The following CA10 variants were observed in gnomAD, a reference collection of about 807,000 sequenced individuals.
The protein encoded by CA10 is carbonic anhydrase 10 (inactive), also known as carbonic anhydrase-related protein 10.
Under a neutral mutation model 44.2 loss-of-function variants are expected in CA10, and 14 were observed. That is an observed-to-expected ratio of 0.32 (90% confidence interval 0.21 to 0.50). The LOEUF is 0.50. CA10 is among the 20% of genes least tolerant of loss of function. The pLI, the probability that CA10 is intolerant of heterozygous loss-of-function variation, is 0.99. For missense variants in CA10, 350 were observed against 409.7 expected, an observed-to-expected ratio of 0.85 and a Z score of 1.26; for synonymous variants, 159 against 141.6, an observed-to-expected ratio of 1.12 and a Z score of -0.87.
chr17:51,791,282 C>G (rs1339876039), intron 3 of CA10, among the ~76,000 whole-genome samples: 1 of 152,098 alleles, frequency 6.6e-6, no homozygotes, highest in African/African-American at 2.4e-5. Context: ...TAGAACAGTT[C>G]CCCATTTTAA....
chr17:52,011,331 G>A (rs1398254199), intron 2 of CA10, among the ~76,000 whole-genome samples: 5 of 151,914 alleles, frequency 3.3e-5, no homozygotes, highest in Non-Finnish European at 7.4e-5. Context: ...TTTCTGCTGC[G>A]ATCAGGTAAA....
intron 2 of CA10, among the ~76,000 whole-genome samples, chr17:51,949,219 T>C (rs1187514279): frequency 6.6e-6 from 1 of 152,200 alleles, no homozygotes; most frequent in African/African-American, 2.4e-5. Context: ...TTTGTCACAA[T>C]TTGAAACCCA....
chr17:52,023,601 A>T (rs1054137202), intron 2 of CA10, among the ~76,000 whole-genome samples: 1 of 151,872 alleles, frequency 6.6e-6, no homozygotes, highest in Non-Finnish European at 1.5e-5. Flanking sequence ...CAACAAAAAA[A>T]CCTCCAACAT....
chr17:52,014,934 G>A (rs868545499), intron 2 of CA10, among the ~76,000 whole-genome samples: 2 of 151,882 alleles, frequency 1.3e-5, no homozygotes, highest in African/African-American at 4.8e-5. Context: ...AATAATTGTG[G>A]TACATTTATA....
chr17:52,031,073 C>T (rs927828294), intron 2 of CA10, among the ~76,000 whole-genome samples: 19 of 152,046 alleles, frequency 1.2e-4, no homozygotes, highest in African/African-American at 3.4e-4. Context: ...CTCTGGAGAA[C>T]CCTAATAGAG....
chr17:52,059,970 G>T (rs746052376), intron 2 of CA10, among the ~76,000 whole-genome samples: 1 of 152,156 alleles, frequency 6.6e-6, no homozygotes, highest in Non-Finnish European at 1.5e-5. Context: ...TCTGGTTCTA[G>T]GTCCAACTCC....
At chr17:52,068,502 C>T (rs113415132) in intron 2 of CA10, among the ~76,000 whole-genome samples, 567 of 152,264 alleles carry the variant, frequency 3.7e-3, no homozygotes, top group African/African-American at 0.013. Flanking sequence ...ACATTACCAC[C>T]CTTCTCCACT....
chr17:52,152,842 A>G (rs1333992194), intron 1 of CA10, among the ~76,000 whole-genome samples: 1 of 152,120 alleles, frequency 6.6e-6, no homozygotes. Flanking sequence ...AAATAGGCAA[A>G]GCAAATATAA....
intron 3 of CA10, among the ~76,000 whole-genome samples, chr17:51,908,918 A>G (rs953070052): frequency 1.3e-5 from 2 of 152,164 alleles, no homozygotes; most frequent in African/African-American, 4.8e-5. Context: ...CTAATCTGAT[A>G]TCGACACAAA....
chr17:51,838,752 G>A (rs575796142), intron 3 of CA10, among the ~76,000 whole-genome samples: 40 of 152,250 alleles, frequency 2.6e-4, no homozygotes, highest in East Asian at 5.8e-4. Context: ...AAAGAAGATC[G>A]TTGGAAAACA....
intron 4 of CA10, among the ~76,000 whole-genome samples, chr17:51,688,357 G>A (rs567639547): frequency 6.6e-6 from 1 of 152,334 alleles, no homozygotes; most frequent in Non-Finnish European, 1.5e-5. Flanking sequence ...AATGAATTAT[G>A]CAGCAATGGA....
chr17:52,041,380 A>C (rs191857464), intron 2 of CA10, among the ~76,000 whole-genome samples: 1 of 152,194 alleles, frequency 6.6e-6, no homozygotes, highest in Admixed American at 6.5e-5. Context: ...TATGTTCAGG[A>C]AGTAGACAAA....
intron 2 of CA10, among the ~76,000 whole-genome samples, chr17:51,956,675 T>C (rs1174962012): frequency 6.6e-6 from 1 of 152,182 alleles, no homozygotes; most frequent in Admixed American, 6.6e-5. Flanking sequence ...TTAAACATCA[T>C]TTAAGCCCTT....
At chr17:51,943,087 A>T (rs1393153846) in intron 2 of CA10, among the ~76,000 whole-genome samples, 1 of 152,100 alleles carries the variant, frequency 6.6e-6, no homozygotes. Flanking sequence ...CCCCAATAAC[A>T]CAATATGCTC....
intron 4 of CA10, among the ~76,000 whole-genome samples, chr17:51,742,168 C>A (rs1232374516): frequency 6.6e-6 from 1 of 152,048 alleles, no homozygotes; most frequent in East Asian, 1.9e-4. Flanking sequence ...TGATGGGGAA[C>A]TGTGGTGGAT....
intron 5 of CA10, among the ~76,000 whole-genome samples, chr17:51,651,413 A>T (rs953796261): frequency 2.0e-5 from 3 of 152,234 alleles, no homozygotes; most frequent in African/African-American, 7.2e-5. Flanking sequence ...GGGAAGACAG[A>T]AATGTTGTGG....
At chr17:52,038,254 C>T (rs745732111) in intron 2 of CA10, among the ~76,000 whole-genome samples, 1 of 151,998 alleles carries the variant, frequency 6.6e-6, no homozygotes, top group Non-Finnish European at 1.5e-5. Context: ...GGACGGCTTA[C>T]GAAGAAGAGG....
chr17:51,958,782 A>G (rs1983762212), intron 2 of CA10, among the ~76,000 whole-genome samples: 1 of 152,188 alleles, frequency 6.6e-6, no homozygotes, highest in Non-Finnish European at 1.5e-5. Flanking sequence ...CAGATAAGCA[A>G]AAACAAAACG....
At chr17:52,059,622 G>A (rs1345671483) in intron 2 of CA10, among the ~76,000 whole-genome samples, 1 of 151,674 alleles carries the variant, frequency 6.6e-6, no homozygotes, top group Non-Finnish European at 1.5e-5. Context: ...GTATACATAT[G>A]TATCAAAACT....
Sources: gnomAD v4.1 joint callset for allele counts (sites outside exome capture counted in the v4.1 genomes callset) on GRCh38, gnomAD v4.1.1 for gene constraint, MANE v1.5 for transcripts, NCBI Gene and HGNC (gene_info 2026-07-23, HGNC 2026-07-21) for gene names.